The following PLD5 variants were observed in gnomAD, a reference collection of about 807,000 sequenced individuals.
The protein encoded by PLD5 is inactive phospholipase D5.
Under a neutral mutation model 61.1 loss-of-function variants are expected in PLD5, and 36 were observed. The observed-to-expected ratio is 0.59, with a 90% CI of 0.45 to 0.78. The LOEUF (loss-of-function observed/expected upper bound fraction) is 0.78, where lower values mean the gene tolerates loss of function less well. PLD5 is among the 30% of genes least tolerant of loss of function. The pLI is 0.00. For synonymous variants in PLD5, 243 were observed against 242.8 expected, an observed-to-expected ratio of 1.00 and a Z score of -0.01; for missense variants, 515 against 644.4, an observed-to-expected ratio of 0.80 and a Z score of 2.17.
chr1:242,170,265 C>A (rs184775512), intron 5 of PLD5, among the ~76,000 whole-genome samples: 93 of 152,328 alleles, frequency 6.1e-4, no homozygotes, highest in East Asian at 1.7e-3. Context: ...TGTTCTGCAG[C>A]CTCCGCTAGT....
intron 5 of PLD5, among the ~76,000 whole-genome samples, chr1:242,138,729 C>A (rs1663937683): frequency 6.6e-6 from 1 of 152,182 alleles, no homozygotes; most frequent in African/African-American, 2.4e-5. Context: ...CATCCCATAT[C>A]CTCCAACAAT....
intron 1 of PLD5, among the ~76,000 whole-genome samples, chr1:242,356,064 T>C (rs1660734781): frequency 6.6e-6 from 1 of 152,098 alleles, no homozygotes; most frequent in South Asian, 2.1e-4. Context: ...TTGTTGTTGG[T>C]TTGGTATGTT....
In PLD5 at chr1:242,433,298, A is replaced by G. The variant is rs185231262; in HGVS notation, c.190-85056T>C. 3.2e-3 allele frequency among the ~76,000 whole-genome samples: 493 copies of G among 152,322 alleles called. 2 individuals are homozygous for G. The highest frequency in any genetic ancestry group is 0.011 in the African/African-American group (466 of 41,572). ...CAAAAACCACACAAGTATTAAATAT[A>G]TAGTGAAAAGTAGGTGTCTCTGTCT... On this transcript the variant is annotated intron_variant, in intron 1 of 9. Coordinates refer to ENST00000536534, the MANE Select transcript of PLD5 (RefSeq NM_001372062.1).
At chr1:242,283,279 T>C (rs1674823072) in intron 3 of PLD5, among the ~76,000 whole-genome samples, 1 of 152,222 alleles carries the variant, frequency 6.6e-6, no homozygotes, top group Non-Finnish European at 1.5e-5. Context: ...GTAGCAACCA[T>C]CACACTCACT....
At chr1:242,162,211 C>T (rs1254640936) in intron 5 of PLD5, among the ~76,000 whole-genome samples, 1 of 152,140 alleles carries the variant, frequency 6.6e-6, no homozygotes, top group Non-Finnish European at 1.5e-5. Flanking sequence ...AACGAAAGAA[C>T]CAGGAACACT....
intron 4 of PLD5, among the ~76,000 whole-genome samples, chr1:242,252,151 A>C (rs1672737887): frequency 6.6e-6 from 1 of 152,234 alleles, no homozygotes; most frequent in African/African-American, 2.4e-5. Context: ...AATGAGCTAA[A>C]AAAATAGATA....
At chr1:242,367,493 CA>C (rs1661408716) in intron 1 of PLD5, among the ~76,000 whole-genome samples, 1 of 152,136 alleles carries the variant, frequency 6.6e-6, no homozygotes, top group Non-Finnish European at 1.5e-5. Context: ...CTCACAAATA[CA>C]AATGAATAGG....
chr1:242,234,416 G>A (rs1671507919), intron 4 of PLD5, among the ~76,000 whole-genome samples: 1 of 152,166 alleles, frequency 6.6e-6, no homozygotes, highest in African/African-American at 2.4e-5. Context: ...AAAGACAGTG[G>A]CATTGAACTT....
intron 4 of PLD5, among the ~76,000 whole-genome samples, chr1:242,224,137 A>T (rs1464764443): frequency 6.6e-6 from 1 of 152,204 alleles, no homozygotes; most frequent in African/African-American, 2.4e-5. Flanking sequence ...AGTTTATTTC[A>T]TATTGTTGTG....
At chr1:242,178,551 A>G (rs906095123) in intron 5 of PLD5, among the ~76,000 whole-genome samples, 8 of 152,196 alleles carry the variant, frequency 5.3e-5, no homozygotes, top group African/African-American at 1.9e-4. Flanking sequence ...TTTTCAAAGC[A>G]TAGGTTTTCA....
At chr1:242,336,696 A>G (rs1360436498) in intron 2 of PLD5, among the ~76,000 whole-genome samples, 2 of 152,278 alleles carry the variant, frequency 1.3e-5, no homozygotes, top group East Asian at 3.9e-4. Context: ...ATTTCATTGT[A>G]AAACTGAATT....
chr1:242,517,884 C>T (rs965920860), intron 1 of PLD5, among the ~76,000 whole-genome samples: 2 of 152,058 alleles, frequency 1.3e-5, no homozygotes, highest in African/African-American at 4.8e-5. Flanking sequence ...GATGAGTTTG[C>T]CAATTGGTAT....
intron 5 of PLD5, among the ~76,000 whole-genome samples, chr1:242,186,652 T>G (rs1667918301): frequency 6.6e-6 from 1 of 152,128 alleles, no homozygotes; most frequent in Non-Finnish European, 1.5e-5. Context: ...AAAAAACAAC[T>G]AGTGATTGAC....
chr1:242,366,423 T>C (rs1661343780), intron 1 of PLD5, among the ~76,000 whole-genome samples: 1 of 152,220 alleles, frequency 6.6e-6, no homozygotes, highest in African/African-American at 2.4e-5. Flanking sequence ...TCAATGGCAC[T>C]AAAGGATGTT....
intron 5 of PLD5, among the ~76,000 whole-genome samples, chr1:242,143,849 CCT>C (rs1664351508): frequency 1.3e-5 from 2 of 150,350 alleles, no homozygotes; most frequent in African/African-American, 4.9e-5. Flanking sequence ...TTTTTTTTTT[CCT>C]TTTTTTTTGA....
chr1:242,439,974 A>G (rs1357841293), intron 1 of PLD5, among the ~76,000 whole-genome samples: 1 of 152,206 alleles, frequency 6.6e-6, no homozygotes, highest in Admixed American at 6.5e-5. Context: ...TTAGGTACTA[A>G]ATACCTCCTG....
intron 6 of PLD5, among the ~76,000 whole-genome samples, chr1:242,118,282 C>T (rs1007837187): frequency 3.3e-5 from 5 of 152,180 alleles, no homozygotes; most frequent in Non-Finnish European, 7.3e-5. Context: ...CCTTGAAGCT[C>T]AAATAAATGA....
chr1:242,173,800 G>T (rs1188923182), intron 5 of PLD5, among the ~76,000 whole-genome samples: 9 of 152,054 alleles, frequency 5.9e-5, no homozygotes, highest in Non-Finnish European at 1.0e-4. Flanking sequence ...AATGGGGAAA[G>T]GATTCCCTAT....
At chr1:242,132,192 C>CGGCG (rs57596101) in intron 5 of PLD5, among the ~76,000 whole-genome samples, 2 of 21,080 alleles carry the variant, frequency 9.5e-5, no homozygotes, top group African/African-American at 4.0e-4. Flanking sequence ...GCAGTGATTG[C>CGGCG]GGGGGGGGGG....
Sources: allele counts gnomAD v4.1 joint callset (sites outside exome capture counted in the v4.1 genomes callset), GRCh38; gene constraint gnomAD v4.1.1; transcripts MANE v1.5; gene names NCBI Gene and HGNC (gene_info 2026-07-23, HGNC 2026-07-21).